HPSE2: variants seen among roughly 807,000 people sequenced by gnomAD.
HPSE2 encodes heparanase 2 (inactive).
A neutral mutation model predicts 60.5 loss-of-function variants in HPSE2; 38 were observed. The observed-to-expected ratio is 0.63, with a 90% CI of 0.48 to 0.82. HPSE2 has a LOEUF of 0.82. Among genes scored for constraint, HPSE2 ranks in the 40% least tolerant of loss-of-function variants. The pLI is 0.00. For missense variants in HPSE2, 713 were observed against 740.4 expected (o/e 0.96, Z 0.43); for synonymous variants, 295 against 293.2 (o/e 1.01, Z -0.06).
At chr10:98,702,021 T>C (rs955766246) in intron 5 of HPSE2, among the ~76,000 whole-genome samples, 1 of 152,092 alleles carries the variant, frequency 6.6e-6, no homozygotes, top group African/African-American at 2.4e-5. Context: ...TCAAATTGGA[T>C]AAAGAGTCAA....
At chr10:99,067,225 C>T (rs544974014) in intron 3 of HPSE2, among the ~76,000 whole-genome samples, 26 of 152,276 alleles carry the variant, frequency 1.7e-4, no homozygotes, top group African/African-American at 5.3e-4. Context: ...CACAGGCTGG[C>T]GCTGAGTGTC....
chr10:99,027,664 CACCACCACCACT>C (rs1334040339), intron 3 of HPSE2, among the ~76,000 whole-genome samples: 1 of 130,980 alleles, frequency 7.6e-6, no homozygotes, highest in Admixed American at 9.2e-5. Flanking sequence ...TGACAAACAC[CACCACCACCACT>C]ACCACCACCA....
chr10:98,870,946 A>T (rs1457724581), intron 3 of HPSE2, among the ~76,000 whole-genome samples: 1 of 154 alleles, frequency 6.5e-3, no homozygotes, highest in Admixed American at 0.062. Context: ...TTAAATTATT[A>T]AAAAAAAAAA....
At chr10:99,129,343 A>G (rs1002675711) in intron 3 of HPSE2, among the ~76,000 whole-genome samples, 9 of 152,246 alleles carry the variant, frequency 5.9e-5, no homozygotes, top group African/African-American at 2.2e-4. Context: ...CATTCTTTTC[A>G]TCAGCACATA....
intron 7 of HPSE2, among the ~76,000 whole-genome samples, chr10:98,622,220 A>T (rs2133989682): frequency 6.6e-6 from 1 of 152,344 alleles, no homozygotes; most frequent in Non-Finnish European, 1.5e-5. Context: ...AATTAAAAAA[A>T]AACACACTGA....
At chr10:98,643,617 C>T (rs1946692799) in intron 6 of HPSE2, among the ~76,000 whole-genome samples, 1 of 152,094 alleles carries the variant, frequency 6.6e-6, no homozygotes, top group South Asian at 2.1e-4. Flanking sequence ...GTCCATTATC[C>T]TATCTCATAA....
intron 7 of HPSE2, among the ~76,000 whole-genome samples, chr10:98,627,621 T>C (rs566626995): frequency 6.6e-6 from 1 of 152,370 alleles, no homozygotes; most frequent in East Asian, 1.9e-4. Flanking sequence ...ATTACCTGTC[T>C]GTGTTTCAAT....
At position 98,967,364 on chromosome 10, in the gene HPSE2, G is replaced by T. The variant is rs138800243; in HGVS notation, c.610+176874C>A. On this transcript the variant is annotated intron_variant, in intron 3 of 11. Coordinates refer to ENST00000370552, the MANE Select transcript of HPSE2 (RefSeq NM_021828.5). The stretch of plus-strand genomic sequence containing the variant: ...CTTCTTCACACTTAATCCAGTGGAA[G>T]TCTTATTTCTACAGATTTACCTAAC... 8.5e-3 allele frequency among the ~76,000 whole-genome samples: 1,290 copies of T among 152,336 alleles called. 21 individuals carry two copies. Among genetic ancestry groups the T allele is most frequent in the African/African-American group, 0.03 (1,234 of 41,592 alleles).
intron 3 of HPSE2, among the ~76,000 whole-genome samples, chr10:99,109,566 A>T (rs1195287158): frequency 1.3e-5 from 2 of 152,088 alleles, no homozygotes; most frequent in Non-Finnish European, 2.9e-5. Context: ...CTTGTGCTAT[A>T]TGGGGTTGTC....
At chr10:98,959,564 T>C (rs1955596983) in intron 3 of HPSE2, among the ~76,000 whole-genome samples, 1 of 152,124 alleles carries the variant, frequency 6.6e-6, no homozygotes, top group South Asian at 2.1e-4. Flanking sequence ...TACTAATGTG[T>C]TCAATGATCT....
At chr10:99,026,011 C>T (rs1025872391) in intron 3 of HPSE2, among the ~76,000 whole-genome samples, 2 of 151,402 alleles carry the variant, frequency 1.3e-5, no homozygotes, top group African/African-American at 2.4e-5. Context: ...ATCATGTGAG[C>T]GGAGAAAATT....
chr10:99,155,762 A>T (rs930211549), intron 2 of HPSE2, among the ~76,000 whole-genome samples: 3 of 149,294 alleles, frequency 2.0e-5, no homozygotes, highest in African/African-American at 7.3e-5. Context: ...TCAGAGCAGA[A>T]CTGAAGGAAA....
intron 9 of HPSE2, among the ~76,000 whole-genome samples, chr10:98,568,090 T>C (rs866855224): frequency 2.6e-4 from 39 of 152,344 alleles, no homozygotes; most frequent in Middle Eastern, 3.4e-3. Flanking sequence ...ATAATGCTTT[T>C]ATCAGACTTA....
intron 9 of HPSE2, among the ~76,000 whole-genome samples, chr10:98,581,287 C>T (rs2133921550): frequency 6.6e-6 from 1 of 152,162 alleles, no homozygotes; most frequent in East Asian, 1.9e-4. Context: ...CCCAAGAGCT[C>T]AACATCTGGC....
chr10:99,010,160 C>T (rs1956979631), intron 3 of HPSE2, among the ~76,000 whole-genome samples: 1 of 152,184 alleles, frequency 6.6e-6, no homozygotes, highest in African/African-American at 2.4e-5. Context: ...TTAAAGAGGA[C>T]ATCAAATGAA....
chr10:98,574,551 C>G (rs904662546), intron 9 of HPSE2, among the ~76,000 whole-genome samples: 9 of 152,232 alleles, frequency 5.9e-5, no homozygotes, highest in African/African-American at 2.2e-4. Flanking sequence ...TCCAAGCTTC[C>G]CTGATGCTGC....
At chr10:98,901,068 C>T (rs1168963342) in intron 3 of HPSE2, among the ~76,000 whole-genome samples, 1 of 152,106 alleles carries the variant, frequency 6.6e-6, no homozygotes, top group East Asian at 1.9e-4. Context: ...GAATGAATCT[C>T]AGAGTTACTG....
chr10:99,308,116 G>A, the HPSE2 span, among the ~76,000 whole-genome samples: 19 of 151,992 alleles, frequency 1.3e-4, 1 homozygote, highest in East Asian at 7.7e-4. Context: ...GGCCAGGTGC[G>A]GTGGCTCATG....
At chr10:98,853,829 T>A (rs768999724) in intron 3 of HPSE2, among the ~76,000 whole-genome samples, 2 of 152,176 alleles carry the variant, frequency 1.3e-5, no homozygotes, top group Non-Finnish European at 2.9e-5. Flanking sequence ...CAGTTACTTA[T>A]CTGTTAAATG....
Sources: allele counts gnomAD v4.1 joint callset (sites outside exome capture counted in the v4.1 genomes callset), GRCh38; gene constraint gnomAD v4.1.1; transcripts MANE v1.5; gene names NCBI Gene and HGNC (gene_info 2026-07-23, HGNC 2026-07-21).